SLC16A10: variants seen among roughly 807,000 people sequenced by gnomAD.
The protein encoded by SLC16A10 is solute carrier family 16 member 10, also known as monocarboxylate transporter 10.
A neutral mutation model predicts 40.0 loss-of-function variants in SLC16A10; 27 were observed. The ratio of observed to expected loss-of-function variants is 0.67; its 90% CI spans 0.50 to 0.93. The LOEUF (loss-of-function observed/expected upper bound fraction) is 0.93. Among genes scored for constraint, SLC16A10 ranks in the 40% least tolerant of loss-of-function variants. SLC16A10 has a pLI of 0.00. For missense variants in SLC16A10, 529 were observed against 658.2 expected (o/e 0.80, Z 2.15); for synonymous variants, 213 against 249.8 (o/e 0.85, Z 1.39).
At chr6:111,151,791 GC>G (rs1772177237) in intron 1 of SLC16A10, among the ~76,000 whole-genome samples, 1 of 152,136 alleles carries the variant, frequency 6.6e-6, no homozygotes, top group Admixed American at 6.6e-5. Context: ...GAATGTTCCT[GC>G]CTCCTCTTTC....
rs368859526 is a variant in SLC16A10 at position 111,145,677 on chromosome 6, C to T, written c.344-27018C>T. Among the ~76,000 whole-genome samples the T allele has an allele frequency of 5.9e-5, 9 of 152,160 alleles. No individual in the cohort carries two copies. The South Asian group carries it at 6.2e-4, about 11-fold the overall frequency. ...CAGCCTGGGCAACATATTGAGACCT[C>T]GTCTCTTAAAAAAGAAAAAAAATCA... On this transcript the variant is annotated intron_variant, in intron 1 of 5. Transcript: ENST00000368851.
intron 1 of SLC16A10, among the ~76,000 whole-genome samples, chr6:111,115,641 T>C (rs1351191648): frequency 6.6e-6 from 1 of 152,246 alleles, no homozygotes; most frequent in African/African-American, 2.4e-5. Context: ...GTTGCTCCCT[T>C]ATTCTTTCTT....
Position 111,216,564 on chromosome 6 carries a change from G to A in SLC16A10, c.1087-2250G>A, listed in dbSNP as rs951781248. Among the ~76,000 whole-genome samples the A allele has an allele frequency of 7.1e-4, 78 of 110,554 alleles. 1 individual carries two copies. In the East Asian group the frequency reaches 0.016, roughly 22 times the overall value. The allele number at this position is 110,554 out of a possible 152,430, so 72.5% of individuals were successfully genotyped here. ...ACTACAGGCGCCCACCACCACGCCC[G>A]GCTAACTTTTTTTTTTTTTTTTTTG... On this transcript the variant is annotated intron_variant, in intron 4 of 5. Transcript: ENST00000368851.
chr6:111,119,314 T>A (rs1349183148), intron 1 of SLC16A10, among the ~76,000 whole-genome samples: 2 of 152,170 alleles, frequency 1.3e-5, no homozygotes, highest in East Asian at 3.8e-4. Flanking sequence ...ATTTAGTAAA[T>A]ATTTTAGAGT....
intron 1 of SLC16A10, among the ~76,000 whole-genome samples, chr6:111,168,546 A>G (rs1772521538): frequency 6.6e-6 from 1 of 152,218 alleles, no homozygotes; most frequent in Non-Finnish European, 1.5e-5. Flanking sequence ...TGGCATATAT[A>G]TCATAGGTCG....
intron 4 of SLC16A10, among the ~76,000 whole-genome samples, chr6:111,207,062 C>T (rs959551612): frequency 1.3e-5 from 2 of 152,144 alleles, no homozygotes; most frequent in African/African-American, 4.8e-5. Flanking sequence ...AACTCCTGAC[C>T]TCAGGTGATC....
At chr6:111,206,303 C>G (rs371722878) in intron 3 of SLC16A10, among the ~76,000 whole-genome samples, 1 of 152,164 alleles carries the variant, frequency 6.6e-6, no homozygotes, top group East Asian at 1.9e-4. Context: ...TCTCGAACTC[C>G]TGGCCTCAGG....
At chr6:111,089,604 G>A (rs541912874) in intron 1 of SLC16A10, among the ~76,000 whole-genome samples, 1 of 152,178 alleles carries the variant, frequency 6.6e-6, no homozygotes, top group Admixed American at 6.5e-5. Flanking sequence ...TGTTAAAAAT[G>A]TAGTAACATA....
At chr6:111,118,039 T>G (rs913637301) in intron 1 of SLC16A10, among the ~76,000 whole-genome samples, 1 of 152,172 alleles carries the variant, frequency 6.6e-6, no homozygotes, top group African/African-American at 2.4e-5. Flanking sequence ...TTAAAAACAC[T>G]ACCACTCCAA....
At chr6:111,176,183 G>C (rs1442043568) in intron 2 of SLC16A10, among the ~76,000 whole-genome samples, 1 of 152,098 alleles carries the variant, frequency 6.6e-6, no homozygotes, top group Non-Finnish European at 1.5e-5. Context: ...TTAGTAGAGG[G>C]AGAAGGGCAT....
At chr6:111,114,955 A>G (rs920547368) in intron 1 of SLC16A10, among the ~76,000 whole-genome samples, 2 of 152,078 alleles carry the variant, frequency 1.3e-5, no homozygotes, top group African/African-American at 2.4e-5. Flanking sequence ...GCTCACTGCA[A>G]CCTCCTTAAA....
At chr6:111,147,121 A>T (rs967368677) in intron 1 of SLC16A10, among the ~76,000 whole-genome samples, 1 of 152,228 alleles carries the variant, frequency 6.6e-6, no homozygotes, top group Non-Finnish European at 1.5e-5. Context: ...CTGGAATTAC[A>T]TAATGATGAT....
intron 5 of SLC16A10, among the ~76,000 whole-genome samples, chr6:111,220,570 G>C (rs1770870674): frequency 6.6e-6 from 1 of 152,210 alleles, no homozygotes; most frequent in Admixed American, 6.5e-5. Flanking sequence ...CAAGCAAGCA[G>C]AGTTACTACT....
intron 2 of SLC16A10, among the ~76,000 whole-genome samples, chr6:111,176,717 G>A (rs1772690889): frequency 6.6e-6 from 1 of 152,206 alleles, no homozygotes; most frequent in African/African-American, 2.4e-5. Flanking sequence ...AATATAAAAT[G>A]CGGCCTTTTC....
chr6:111,213,007 TTAAATTA>T (rs1188548402), intron 4 of SLC16A10, among the ~76,000 whole-genome samples: 2 of 152,238 alleles, frequency 1.3e-5, no homozygotes, highest in Admixed American at 6.5e-5. Flanking sequence ...CTAGTCACCA[TTAAATTA>T]CTACAGATTT....
chr6:111,174,519 A>G (rs888515208), intron 2 of SLC16A10, among the ~76,000 whole-genome samples: 1 of 152,026 alleles, frequency 6.6e-6, no homozygotes, highest in African/African-American at 2.4e-5. Context: ...AAGTACCTTT[A>G]TGGGTTTTTT....
intron 4 of SLC16A10, among the ~76,000 whole-genome samples, chr6:111,211,097 T>G (rs1028108665): frequency 6.6e-6 from 1 of 151,668 alleles, no homozygotes; most frequent in African/African-American, 2.4e-5. Flanking sequence ...TCACTGTGGT[T>G]GTTCTGTGTT....
In SLC16A10 at chr6:111,224,590, A is replaced by G. The variant is rs1466353062; in HGVS notation, c.*2355A>G. Reference sequence around the variant, plus strand: ...TATAACACTGAAAAAGTTCTATTGTAATAGACTCATACGGAGAATACTCTG... The same window carrying G: ...TATAACACTGAAAAAGTTCTATTGTGATAGACTCATACGGAGAATACTCTG... On this transcript the variant is annotated 3_prime_UTR_variant, in exon 6 of 6. Transcript: ENST00000368851. 6.6e-5 allele frequency: 10 copies of G among 152,364 alleles called. No individual in the cohort carries two copies. Among genetic ancestry groups the G allele is most frequent in the Admixed American group, 5.2e-4 (8 of 15,304 alleles). The allele number at this position is 152,364 out of a possible 1,614,324, so 9.4% of individuals were successfully genotyped here.
In SLC16A10 at chr6:111,228,305, A is replaced by G. The variant is rs1771044986; in HGVS notation, c.*6070A>G. On this transcript the variant is annotated 3_prime_UTR_variant, in exon 6 of 6. Transcript: ENST00000368851. ...ACTCCTGTAAGAGACACTCCTTCCT[A>G]GTAGAACAAGGACTGGGACAATGAA... The G allele has an allele frequency of 6.6e-6, 1 of 152,244 alleles. No homozygotes were observed. The highest frequency in any genetic ancestry group is 1.5e-5 in the Non-Finnish European group (1 of 68,036). The allele number at this position is 152,244 out of a possible 1,614,324, so 9.4% of individuals were successfully genotyped here. A position where few individuals can be genotyped will look rare whatever the true frequency, so the allele number is the denominator to read the frequency against.
Sources: gnomAD v4.1 joint callset for allele counts (sites outside exome capture counted in the v4.1 genomes callset) on GRCh38, gnomAD v4.1.1 for gene constraint, MANE v1.5 for transcripts, NCBI Gene and HGNC (gene_info 2026-07-23, HGNC 2026-07-21) for gene names.